The following MAD1L1 variants were observed in gnomAD, a reference collection of about 807,000 sequenced individuals.
MAD1L1 encodes the protein mitotic arrest deficient 1 like 1, also known as mitotic spindle assembly checkpoint protein MAD1.
MAD1L1 carries 95 observed loss-of-function variants against 96.9 expected under a neutral mutation model. The ratio of observed to expected loss-of-function variants is 0.98; its 90% CI spans 0.83 to 1.16. The LOEUF is 1.16. Ranked by LOEUF, MAD1L1 falls within the 50% of genes most tolerant of loss-of-function variation. The pLI, the probability that MAD1L1 is intolerant of heterozygous loss-of-function variation, is 0.00. For missense variants in MAD1L1, 1,007 were observed against 954.4 expected (o/e 1.06, Z -0.73); for synonymous variants, 473 against 396.6 (o/e 1.19, Z -2.29).
intron 16 of MAD1L1, among the ~76,000 whole-genome samples, chr7:1,939,806 C>T (rs1778857262): frequency 6.6e-6 from 1 of 151,966 alleles, no homozygotes; most frequent in Non-Finnish European, 1.5e-5. Context: ...CTGTGGGCCA[C>T]TGCTCTCCAA....
chr7:1,821,175 TA>T (rs1209484165), intron 18 of MAD1L1, among the ~76,000 whole-genome samples: 1 of 148,656 alleles, frequency 6.7e-6, no homozygotes, highest in African/African-American at 2.5e-5. Context: ...AAAATAACAA[TA>T]AAAAATACTA....
intron 17 of MAD1L1, among the ~76,000 whole-genome samples, chr7:1,908,643 G>A (rs1465092956): frequency 6.6e-6 from 1 of 152,150 alleles, no homozygotes; most frequent in Non-Finnish European, 1.5e-5. Context: ...TGACGGGTGT[G>A]AGCCCCGCAC....
chr7:2,118,093 C>T (rs1441096611), intron 11 of MAD1L1, among the ~76,000 whole-genome samples: 2 of 152,166 alleles, frequency 1.3e-5, no homozygotes, highest in Admixed American at 1.3e-4. Flanking sequence ...CAGCTCAGTG[C>T]CCCTTACCCA....
chr7:2,221,239 C>A (rs534387589), intron 5 of MAD1L1, among the ~76,000 whole-genome samples: 1 of 152,290 alleles, frequency 6.6e-6, no homozygotes, highest in Non-Finnish European at 1.5e-5. Flanking sequence ...CACCCTCCCC[C>A]ATGGAACCAC....
intron 18 of MAD1L1, among the ~76,000 whole-genome samples, chr7:1,870,963 G>A (rs1785048095): frequency 6.8e-6 from 1 of 146,036 alleles, no homozygotes; most frequent in African/African-American, 2.6e-5. Flanking sequence ...CGTAACACCT[G>A]CCACGCTGAA....
intron 17 of MAD1L1, among the ~76,000 whole-genome samples, chr7:1,916,333 C>T (rs1302498487): frequency 6.6e-6 from 1 of 152,202 alleles, no homozygotes; most frequent in Non-Finnish European, 1.5e-5. Flanking sequence ...CAGCATGACT[C>T]ATGACAGCCA....
chr7:2,168,892 C>T (rs936291661), intron 10 of MAD1L1, among the ~76,000 whole-genome samples: 2 of 152,122 alleles, frequency 1.3e-5, no homozygotes, highest in Non-Finnish European at 2.9e-5. Flanking sequence ...GTGGCTGAAG[C>T]GGGAGGAACA....
intron 18 of MAD1L1, chr7:1,838,886 T>A (rs941600071): frequency 1.1e-5 from 5 of 470,832 alleles, no homozygotes; most frequent in African/African-American, 1.0e-4. Context: ...TACCTAAGGT[T>A]CCAGGCACAC....
chr7:2,219,651 G>A (rs956302929), intron 5 of MAD1L1, among the ~76,000 whole-genome samples, 195 bp from the exon 6 acceptor site: 7 of 123,892 alleles, frequency 5.7e-5, no homozygotes, highest in Admixed American at 8.6e-5. Flanking sequence ...CGGTAGGGGG[G>A]CAGATGGCAA....
intron 18 of MAD1L1, among the ~76,000 whole-genome samples, chr7:1,862,595 G>T (rs1467912216): frequency 6.6e-6 from 1 of 152,246 alleles, no homozygotes; most frequent in Non-Finnish European, 1.5e-5. Context: ...CCACTCAGGG[G>T]GCATTGCTGG....
At chr7:2,217,549 A>G (rs1042503734) in intron 7 of MAD1L1, among the ~76,000 whole-genome samples, 4 of 152,156 alleles carry the variant, frequency 2.6e-5, no homozygotes, top group Admixed American at 1.3e-4. Context: ...ATCTGGAGTC[A>G]ACGTCTCCCT....
intron 16 of MAD1L1, among the ~76,000 whole-genome samples, chr7:1,949,905 C>A (rs1779409026): frequency 6.6e-6 from 1 of 152,232 alleles, no homozygotes; most frequent in South Asian, 2.1e-4. Flanking sequence ...GGGATATCAG[C>A]TTTGAGGAGC....
intron 18 of MAD1L1, among the ~76,000 whole-genome samples, chr7:1,832,630 T>TTTGGGGGGGGG (rs56664541): frequency 8.5e-4 from 2 of 2,348 alleles, no homozygotes; most frequent in African/African-American, 1.8e-3. Context: ...TTTTTTTTTT[T>TTTGGGGGGGGG]GGCGGGGGGG....
intron 11 of MAD1L1, among the ~76,000 whole-genome samples, chr7:2,129,187 G>A (rs1246068711): frequency 1.3e-5 from 2 of 152,342 alleles, no homozygotes; most frequent in South Asian, 4.1e-4. Context: ...GGGGAGCTGG[G>A]GCCACCAGGG....
chr7:2,124,539 C>T (rs1038757683), intron 11 of MAD1L1, among the ~76,000 whole-genome samples: 1 of 152,228 alleles, frequency 6.6e-6, no homozygotes, highest in Non-Finnish European at 1.5e-5. Context: ...CCCCAGCCAA[C>T]AGAGGCAGAC....
intron 10 of MAD1L1, among the ~76,000 whole-genome samples, chr7:2,190,998 T>C (rs1217047176): frequency 1.3e-5 from 2 of 152,146 alleles, no homozygotes; most frequent in African/African-American, 4.8e-5. Flanking sequence ...AAAACATACA[T>C]AAAGAGACTT....
rs1169285045 is a variant in MAD1L1 at position 2,014,507 on chromosome 7, T to C, written c.1354A>G (p.Met452Val). The change falls in exon 13 of 19, where the codon ATG becomes GTG. Residue 452 changes from methionine to valine, a missense_variant. By Grantham distance (21) the Met-to-Val change is conservative. Transcript: ENST00000265854. ...CCACGCCCGCGGCCCCTCACCTCCA[T>C]CTCGGCGCTGTGGCTGTGCACCTTC... ...VQKVHSHSAE[M>V]EAQLSQALEE... is the part of the protein sequence containing the mutation. 3 of 1,588,060 alleles carry C rather than the reference T, an allele frequency of 1.9e-6. No individual in the cohort carries two copies. The highest frequency in any genetic ancestry group is 2.7e-5 in the African/African-American group (2 of 74,398).
intron 11 of MAD1L1, among the ~76,000 whole-genome samples, chr7:2,086,670 G>C (rs987153777): frequency 6.6e-6 from 1 of 152,198 alleles, no homozygotes; most frequent in Non-Finnish European, 1.5e-5. Flanking sequence ...TTCTGCCTCA[G>C]CCTCCAGAGT....
At chr7:1,920,044 C>G (rs534321642) in intron 17 of MAD1L1, among the ~76,000 whole-genome samples, 5 of 152,154 alleles carry the variant, frequency 3.3e-5, no homozygotes, top group African/African-American at 1.2e-4. Context: ...CCCAGGAGGG[C>G]GCACAGCAGG....
Sources: gnomAD v4.1 joint callset for allele counts (sites outside exome capture counted in the v4.1 genomes callset) on GRCh38, gnomAD v4.1.1 for gene constraint, MANE v1.5 for transcripts, NCBI Gene and HGNC (gene_info 2026-07-23, HGNC 2026-07-21) for gene names.